The following ATP1B3 variants were observed in gnomAD, a reference collection of about 807,000 sequenced individuals.
ATP1B3 encodes the protein ATPase Na+/K+ transporting subunit beta 3.
In ATP1B3, 10 loss-of-function variants were observed where a neutral mutation model predicts 30.2. That is an observed-to-expected ratio of 0.33 (90% CI 0.20 to 0.56). The LOEUF (loss-of-function observed/expected upper bound fraction) is 0.56. Among genes scored for constraint, ATP1B3 ranks in the 20% least tolerant of loss-of-function variants. ATP1B3 has a pLI of 0.90. For synonymous variants in ATP1B3, 113 were observed against 117.0 expected (o/e 0.97, Z 0.22); for missense variants, 238 against 336.7 (o/e 0.71, Z 2.29).
At chr3:141,919,421 T>G (rs1176740159) in intron 5 of ATP1B3, among the ~76,000 whole-genome samples, 1 of 152,132 alleles carries the variant, frequency 6.6e-6, no homozygotes, top group Non-Finnish European at 1.5e-5. Flanking sequence ...ATGGCCAAGG[T>G]GGCCTTTTAT....
Position 141,903,184 on chromosome 3 carries a change from CTG to C in ATP1B3, c.110-433_110-432del, listed in dbSNP as rs142404067. ...TTAAATTTAAGCAAATAATTACTGTCTGTGAAATATGCGTTTCATGTACTAAT... is the reference window on the plus strand; with the variant it reads ...TTAAATTTAAGCAAATAATTACTGTCTGAAATATGCGTTTCATGTACTAAT... On this transcript the variant is annotated intron_variant, in intron 1 of 6. Transcript: ENST00000286371. Among the ~76,000 whole-genome samples the C allele has an allele frequency of 6.1e-3, 932 of 152,258 alleles. 9 individuals are homozygous for C. Among genetic ancestry groups the C allele is most frequent in the African/African-American group, 0.021 (880 of 41,532 alleles).
intron 1 of ATP1B3, among the ~76,000 whole-genome samples, chr3:141,883,357 C>T (rs1290443903): frequency 6.6e-6 from 1 of 151,904 alleles, no homozygotes; most frequent in African/African-American, 2.4e-5. Flanking sequence ...GGTGTGGTGG[C>T]GTAGTGAATT....
At chr3:141,908,413 ATTACT>A (rs1934301142) in intron 3 of ATP1B3, among the ~76,000 whole-genome samples, 1 of 152,134 alleles carries the variant, frequency 6.6e-6, no homozygotes, top group Admixed American at 6.5e-5. Flanking sequence ...TCCCTAGAAC[ATTACT>A]TTATCTCATC....
Position 141,916,509 on chromosome 3 carries a change from T to G in ATP1B3, c.582+489T>G, listed in dbSNP as rs764589812. The G allele has an allele frequency of 2.4e-6, 3 of 1,262,318 alleles. No individual in the cohort carries two copies. In the South Asian group the frequency reaches 3.7e-5, roughly 16 times the overall value. The allele number at this position is 1,262,318 out of a possible 1,614,324, so 78.2% of individuals were successfully genotyped here. A position where few individuals can be genotyped will look rare whatever the true frequency, so the allele number is the denominator to read the frequency against. On this transcript the variant is annotated intron_variant, in intron 5 of 6. Coordinates refer to ENST00000286371, the MANE Select transcript of ATP1B3 (RefSeq NM_001679.4). ...TCCAGAATACTGTGCAGTTTTCATC[T>G]CATAACTTTCTTTTGTTTTCTCTCC...
chr3:141,881,160 G>T (rs972468636), intron 1 of ATP1B3, among the ~76,000 whole-genome samples: 2 of 146,866 alleles, frequency 1.4e-5, no homozygotes, highest in Non-Finnish European at 3.0e-5. Flanking sequence ...CCAAGATCGC[G>T]CCACTGCACT....
At position 141,925,642 on chromosome 3, in the gene ATP1B3, C is replaced by G. The variant is rs1934645625; in HGVS notation, c.781C>G (p.Gln261Glu). The change falls in exon 7 of 7, where the codon CAG becomes GAG. Residue 261 changes from glutamine (Q) to glutamate (E), a missense_variant. This residue lies in a region of ATP1B3 where 50 missense variants were observed against 62.3 expected (regional missense o/e 0.80). Transcript: ENST00000286371. ...KIDGSANLKS[Q>E]DDRDKFLGRV... ...TGATGGATCAGCCAACCTAAAAAGT[C>G]AGGATGATCGTGACAAGTTTTTGGG... The G allele has an allele frequency of 1.2e-6, 2 of 1,613,136 alleles. No homozygotes were observed. Among genetic ancestry groups the G allele is most frequent in the South Asian group, 1.1e-5 (1 of 91,016 alleles).
chr3:141,876,747 C>G lies in ATP1B3; in HGVS notation c.-55C>G. 1 of 1,434,368 alleles carries G rather than the reference C, an allele frequency of 7.0e-7. No individual in the cohort carries two copies. The highest frequency in any genetic ancestry group is 9.6e-7 in the Non-Finnish European group (1 of 1,039,000). The allele number at this position is 1,434,368 out of a possible 1,614,324, so 88.9% of individuals were successfully genotyped here. On this transcript the variant is annotated 5_prime_UTR_variant, in exon 1 of 7. Transcript: ENST00000286371. ...CGGAGCCGGGACGCGCCTCCGCAGC[C>G]CTCGCCGCCTCCATCCCCGCGGCCG...
chr3:141,916,152 ATT>A, intron 5 of ATP1B3, 132 bp downstream of exon 5: 2 of 708,356 alleles, frequency 2.8e-6, no homozygotes, highest in Non-Finnish European at 4.6e-6. Flanking sequence ...TTAGAATAAA[ATT>A]CCACCAACCG....
In ATP1B3 at chr3:141,905,183, G is replaced by A. The variant is rs140269417; in HGVS notation, c.238+1435G>A. Among the ~76,000 whole-genome samples the A allele has an allele frequency of 1.7e-3, 263 of 152,300 alleles. 2 individuals carry two copies. Among genetic ancestry groups the A allele is most frequent in the Non-Finnish European group, 1.5e-4 (10 of 68,024 alleles). ...CAGAGAAGGGAAGGTTCTACCTAAA[G>A]AAGAAAGTTCAGTCCTAGAGGAGTG... is the stretch of plus-strand genomic sequence containing the variant. On this transcript the variant is annotated intron_variant, in intron 2 of 6. Coordinates refer to ENST00000286371, the MANE Select transcript of ATP1B3 (RefSeq NM_001679.4).
At chr3:141,916,088 A>G in intron 5 of ATP1B3, 68 bp downstream of exon 5, 1 of 1,404,486 alleles carries the variant, frequency 7.1e-7, no homozygotes, top group Non-Finnish European at 9.8e-7. Context: ...AAGTCTAATG[A>G]TTTAGTCATC....
intron 2 of ATP1B3, among the ~76,000 whole-genome samples, chr3:141,904,436 A>G (rs1934225603): frequency 2.0e-5 from 3 of 152,048 alleles, no homozygotes; most frequent in Admixed American, 2.0e-4. Context: ...TTGAGTAATT[A>G]AGGTATATAT....
At chr3:141,881,399 G>A (rs562882152) in intron 1 of ATP1B3, among the ~76,000 whole-genome samples, 26 of 152,224 alleles carry the variant, frequency 1.7e-4, no homozygotes, top group African/African-American at 4.8e-4. Context: ...AAAACTGTTA[G>A]CACCTATATT....
rs201042049 is a variant in ATP1B3, at chr3:141,887,408, ACAT to A, written c.109+10503_109+10505del. Among the ~76,000 whole-genome samples, 24 of 152,282 alleles carry A rather than the reference ACAT, an allele frequency of 1.6e-4. No homozygotes were observed. The East Asian group carries it at 4.2e-3, about 27-fold the overall frequency. On this transcript the variant is annotated intron_variant, in intron 1 of 6. Transcript: ENST00000286371. ...ACAGATGTGAATATCAGTAAGTCCA[ACAT>A]CATCCTCAGCTTCTTCCCTGGGTAA...
At chr3:141,907,142 A>G in intron 2 of ATP1B3, 25 bp from the exon 3 acceptor site, 4 of 1,522,432 alleles carry the variant, frequency 2.6e-6, no homozygotes, top group Non-Finnish European at 3.6e-6. Flanking sequence ...AAATTTGATA[A>G]TCTCTCCCTT....
At chr3:141,908,113 C>T (rs1252565586) in intron 3 of ATP1B3, among the ~76,000 whole-genome samples, 1 of 131,730 alleles carries the variant, frequency 7.6e-6, no homozygotes, top group Non-Finnish European at 1.5e-5. Flanking sequence ...TTCTAGGGTA[C>T]GTGTGCACAA....
At chr3:141,877,831 CTTT>C (rs56245712) in intron 1 of ATP1B3, among the ~76,000 whole-genome samples, 1 of 140,226 alleles carries the variant, frequency 7.1e-6, no homozygotes, top group Non-Finnish European at 1.5e-5. Context: ...CAGGCTAGAG[CTTT>C]TTTTTTTTTT....
chr3:141,917,201 G>A (rs371887479), intron 5 of ATP1B3, among the ~76,000 whole-genome samples: 3 of 152,056 alleles, frequency 2.0e-5, no homozygotes, highest in Admixed American at 6.5e-5. Flanking sequence ...TGATGCTGCT[G>A]GTCTGAGGCC....
At chr3:141,886,305 A>G (rs1427965830) in intron 1 of ATP1B3, among the ~76,000 whole-genome samples, 4 of 152,098 alleles carry the variant, frequency 2.6e-5, no homozygotes, top group South Asian at 2.1e-4. Flanking sequence ...TCCTTCCCCA[A>G]TCTCTTCGTT....
chr3:141,892,307 G>A (rs899455309), intron 1 of ATP1B3, among the ~76,000 whole-genome samples: 1 of 152,024 alleles, frequency 6.6e-6, no homozygotes, highest in Non-Finnish European at 1.5e-5. Context: ...CAGTAATAAT[G>A]CCATATCTAC....
Sources: gnomAD v4.1 joint callset for allele counts (sites outside exome capture counted in the v4.1 genomes callset) on GRCh38, gnomAD v4.1.1 for gene constraint, gnomAD v4.1.1 regional missense constraint, MANE v1.5 for transcripts, NCBI Gene and HGNC (gene_info 2026-07-23, HGNC 2026-07-21) for gene names.